The following RXRA variants were observed in gnomAD, a reference collection of about 807,000 sequenced individuals.
The protein encoded by RXRA is retinoid X receptor alpha.
RXRA carries 5 observed loss-of-function variants against 44.5 expected under a neutral mutation model. The observed-to-expected ratio is 0.11, with a 90% CI of 0.06 to 0.24. RXRA has a LOEUF of 0.24. Among genes scored for constraint, RXRA ranks in the 10% least tolerant of loss-of-function variants. RXRA has a pLI of 1.00. For missense variants in RXRA, 412 were observed against 646.5 expected (o/e 0.64, Z 3.93); for synonymous variants, 291 against 271.4 (o/e 1.07, Z -0.71).
intron 6 of RXRA, among the ~76,000 whole-genome samples, chr9:134,428,867 C>T (rs1831480734): frequency 6.6e-6 from 1 of 152,200 alleles, no homozygotes; most frequent in Middle Eastern, 3.2e-3. Context: ...CTCCCGGGTT[C>T]CACAAAGCTC....
chr9:134,397,165 G>A (rs963314839), intron 1 of RXRA, among the ~76,000 whole-genome samples: 3 of 152,188 alleles, frequency 2.0e-5, no homozygotes, highest in African/African-American at 7.2e-5. Flanking sequence ...TGGTCAACAG[G>A]GTGTCCCTTC....
intron 1 of RXRA, among the ~76,000 whole-genome samples, chr9:134,400,261 T>G (rs1343991093): frequency 1.3e-5 from 2 of 152,168 alleles, no homozygotes; most frequent in East Asian, 3.9e-4. Context: ...GCCAGTGCCC[T>G]GGACACAGCT....
intron 4 of RXRA, among the ~76,000 whole-genome samples, chr9:134,416,669 C>G (rs1453291423): frequency 6.6e-6 from 1 of 152,096 alleles, no homozygotes; most frequent in East Asian, 1.9e-4. Context: ...CGCAGGTTCC[C>G]CTTGCCCAGG....
At position 134,353,071 on chromosome 9, in the gene RXRA, C is replaced by T. The variant is rs185103585; in HGVS notation, c.28+26412C>T. Among the ~76,000 whole-genome samples the T allele has an allele frequency of 2.7e-3, 406 of 152,126 alleles. 2 individuals are homozygous for T. Among genetic ancestry groups the T allele is most frequent in the Admixed American group, 5.3e-3 (81 of 15,294 alleles). On this transcript the variant is annotated intron_variant, in intron 1 of 9. Transcript: ENST00000481739. ...GTGCAGGCTGGGGGGATGAGCCACC[C>T]CAGGTACAGGGTCCCCTTCTGGAGG...
chr9:134,394,106 C>T (rs200892897), intron 1 of RXRA, among the ~76,000 whole-genome samples: 88 of 1,450 alleles, frequency 0.061, no homozygotes, highest in African/African-American at 0.12. Flanking sequence ...GTGATGGTGA[C>T]GGTGGTGGTG....
chr9:134,349,304 C>T lies in RXRA; in HGVS notation c.28+22645C>T, dbSNP rs56015923. 0.18 allele frequency among the ~76,000 whole-genome samples: 27,896 copies of T among 152,126 alleles called. 2,658 individuals are homozygous for T. Among genetic ancestry groups the T allele is most frequent in the African/African-American group, 0.22 (9,126 of 41,500 alleles). The stretch of plus-strand genomic sequence containing the variant: ...GACCCCTGTTCTGCACCTGGACAGC[C>T]GGGTGTCATTGGTGGGCCTGTTGGG... On this transcript the variant is annotated intron_variant, in intron 1 of 9. Transcript: ENST00000481739. The surrounding 1 kb of genome is among the most constrained non-coding windows in gnomAD (Gnocchi z 4.3).
intron 1 of RXRA, among the ~76,000 whole-genome samples, chr9:134,384,528 T>G (rs1830691090): frequency 6.6e-6 from 1 of 152,066 alleles, no homozygotes; most frequent in Admixed American, 6.5e-5. Flanking sequence ...GCTTTTGTGG[T>G]GGGTGAGACC....
intron 2 of RXRA, 27 bp from the exon 3 acceptor site, chr9:134,408,122 G>A (rs535109006): frequency 4.4e-5 from 66 of 1,511,814 alleles, no homozygotes; most frequent in Middle Eastern, 3.6e-4. Context: ...TGTACACCCC[G>A]CTGACTGCTG....
intron 4 of RXRA, among the ~76,000 whole-genome samples, chr9:134,412,727 C>T (rs1013787394): frequency 1.3e-5 from 2 of 152,122 alleles, no homozygotes; most frequent in Non-Finnish European, 2.9e-5. Context: ...GTTGGGGGTC[C>T]CGCAGGGACA....
chr9:134,425,011 A>C, intron 6 of RXRA: 1 of 985,432 alleles, frequency 1.0e-6, no homozygotes, highest in Non-Finnish European at 1.2e-6. Flanking sequence ...GGGCGACAGC[A>C]ACGATGGGAA....
Position 134,401,646 on chromosome 9 carries a change from G to A in RXRA, c.43G>A (p.Val15Met). 1 of 1,612,952 alleles carries A rather than the reference G, an allele frequency of 6.2e-7. No individual in the cohort carries two copies. The highest frequency in any genetic ancestry group is 8.5e-7 in the Non-Finnish European group (1 of 1,179,926). ...TTGTCTTGCAGATTTCTCCACCCAG[G>A]TGAACTCCTCCCTCACCTCCCCGAC... is the stretch of plus-strand genomic sequence containing the variant. The part of the protein sequence containing the change: ...HFLPLDFSTQ[V>M]NSSLTSPTGR... Residue 15 changes from valine (V) to methionine (M), a missense_variant, in exon 2 of 10, where the codon GTG becomes ATG. Around this residue, in one of 4 missense-constraint regions of RXRA, gnomAD observed 156 missense variants for 177.2 expected, o/e 0.88. Transcript: ENST00000481739.
chr9:134,401,465 T>C, intron 1 of RXRA, 167 bp from the exon 2 acceptor site: 2 of 1,029,768 alleles, frequency 1.9e-6, no homozygotes, highest in East Asian at 2.4e-5. Context: ...ACCTGGCCCG[T>C]AGTGAGTGTG....
At chr9:134,336,928 CTGGGAG>C (rs1418327599) in intron 1 of RXRA, among the ~76,000 whole-genome samples, 2 of 152,124 alleles carry the variant, frequency 1.3e-5, no homozygotes, top group African/African-American at 4.8e-5. Context: ...GTGTCGGTTT[CTGGGAG>C]TGGGAGTAGA....
At chr9:134,435,893 T>A (rs988408541) in intron 9 of RXRA, among the ~76,000 whole-genome samples, 2 of 152,222 alleles carry the variant, frequency 1.3e-5, no homozygotes, top group Admixed American at 6.5e-5. Context: ...TGAGAGACAG[T>A]CTGGCTGTGT....
At chr9:134,385,502 C>T (rs1029345309) in intron 1 of RXRA, among the ~76,000 whole-genome samples, 11 of 152,232 alleles carry the variant, frequency 7.2e-5, no homozygotes, top group African/African-American at 1.7e-4. Flanking sequence ...TTCCTCCACT[C>T]GGGCCTCTGC....
chr9:134,433,963 T>G lies in RXRA; in HGVS notation c.1136-139T>G. 3.2e-6 allele frequency: 2 copies of G among 616,562 alleles called. No individual in the cohort carries two copies. Among genetic ancestry groups the G allele is most frequent in the Non-Finnish European group, 5.7e-6 (2 of 352,386 alleles). 38.2% of individuals were successfully genotyped at this position (616,562 alleles called of 1,614,324 possible). On this transcript the variant is annotated intron_variant, in intron 8 of 9. Transcript: ENST00000481739. This position sits in a 1 kb window ranked among gnomAD's most constrained non-coding sequence, Gnocchi z 4.2. Reference sequence around the variant, plus strand: ...GGCTCTGGGGGAGCGGGCGGAGGCATGTCCAGCGGCATTCCTCCACCACCT... The same window carrying G: ...GGCTCTGGGGGAGCGGGCGGAGGCAGGTCCAGCGGCATTCCTCCACCACCT...
At chr9:134,406,889 C>T (rs532759835) in intron 2 of RXRA, among the ~76,000 whole-genome samples, 1 of 152,340 alleles carries the variant, frequency 6.6e-6, no homozygotes, top group Non-Finnish European at 1.5e-5. Flanking sequence ...CCCTTCAGTT[C>T]CCTCCCTTCT....
rs1217811482 is a variant in RXRA at position 134,433,981 on chromosome 9, C to T, written c.1136-121C>T. On this transcript the variant is annotated intron_variant, in intron 8 of 9. Transcript: ENST00000481739. This position sits in a 1 kb window ranked among gnomAD's most constrained non-coding sequence, Gnocchi z 4.2. Reference sequence around the variant, plus strand: ...GGAGGCATGTCCAGCGGCATTCCTCCACCACCTGCTCTGCCCATGGTGGGG... The same window carrying T: ...GGAGGCATGTCCAGCGGCATTCCTCTACCACCTGCTCTGCCCATGGTGGGG... The T allele has an allele frequency of 7.3e-6, 5 of 683,998 alleles. No homozygotes were observed. The highest frequency in any genetic ancestry group is 5.5e-5 in the East Asian group (2 of 36,694). 42.4% of individuals were successfully genotyped at this position (683,998 alleles called of 1,614,324 possible).
intron 1 of RXRA, among the ~76,000 whole-genome samples, chr9:134,368,543 G>C (rs1830444467): frequency 6.6e-6 from 1 of 152,120 alleles, no homozygotes; most frequent in Non-Finnish European, 1.5e-5. Context: ...GTGTATGAGT[G>C]TGTGTGTGTG....
Sources: allele counts gnomAD v4.1 joint callset (sites outside exome capture counted in the v4.1 genomes callset), GRCh38; gene constraint gnomAD v4.1.1; regional missense constraint gnomAD v4.1.1; non-coding constraint Gnocchi (gnomAD v3.1); transcripts MANE v1.5; gene names NCBI Gene and HGNC (gene_info 2026-07-23, HGNC 2026-07-21).